Variants in ZNF608 observed in about 807,000 individuals in gnomAD.
The protein encoded by ZNF608 is zinc finger protein 608.
In ZNF608, 12 loss-of-function variants were observed where a neutral mutation model predicts 109.0. The ratio of observed to expected loss-of-function variants is 0.11; its 90% CI spans 0.07 to 0.18. ZNF608 has a LOEUF of 0.18. Ranked by LOEUF, ZNF608 falls within the 10% of genes least tolerant of loss-of-function variation. The pLI, the probability that ZNF608 is intolerant of heterozygous loss-of-function variation, is 1.00. For missense variants in ZNF608, 1,707 were observed against 1,879.3 expected (o/e 0.91, Z 1.70); for synonymous variants, 732 against 717.4 (o/e 1.02, Z -0.33).
At chr5:124,659,014 T>A (rs1751133961) in intron 3 of ZNF608, among the ~76,000 whole-genome samples, 2 of 151,908 alleles carry the variant, frequency 1.3e-5, no homozygotes, top group Admixed American at 6.6e-5. Flanking sequence ...AGGGCCAGGG[T>A]CTGTCAAAAT....
chr5:124,743,892 G>A (rs985733174), intron 2 of ZNF608, among the ~76,000 whole-genome samples, 192 bp downstream of exon 2: 1 of 152,138 alleles, frequency 6.6e-6, no homozygotes, highest in South Asian at 2.1e-4. Flanking sequence ...AAGGACAGCA[G>A]AAGCAAGAGC....
At chr5:124,654,518 G>A (rs186967195) in intron 3 of ZNF608, among the ~76,000 whole-genome samples, 4 of 152,082 alleles carry the variant, frequency 2.6e-5, no homozygotes, top group African/African-American at 9.7e-5. Flanking sequence ...CTAGACACAC[G>A]CATACCAGGC....
intron 3 of ZNF608, among the ~76,000 whole-genome samples, chr5:124,674,568 G>A (rs4836108): frequency 0.56 from 85,694 of 152,030 alleles, 25,741 homozygotes; most frequent in African/African-American, 0.78. Flanking sequence ...GACCATTAGG[G>A]CTGAGCCAAT....
intron 1 of ZNF608, 132 bp downstream of exon 1, chr5:124,746,063 A>T: frequency 7.4e-6 from 7 of 952,182 alleles, no homozygotes; most frequent in Non-Finnish European, 8.8e-6. Flanking sequence ...ATGACCGCAA[A>T]TGAGTGTGTT....
intron 3 of ZNF608, among the ~76,000 whole-genome samples, chr5:124,657,910 G>C (rs1283528101): frequency 6.6e-6 from 1 of 152,108 alleles, no homozygotes; most frequent in African/African-American, 2.4e-5. Flanking sequence ...ATTTTGATCA[G>C]TAACAAAAAT....
Position 124,647,841 on chromosome 5 carries a change from T to A in ZNF608, c.2543A>T (p.Asp848Val), listed in dbSNP as rs923433495. ...KLEDSKGASK[D>V]LPGHFLKDHL... ...ATCCTTTAAAAAATGCCCAGGTAAA[T>A]CTTTGCTGGCCCCCTTGGAGTCCTC... The change falls in exon 5 of 10, where the codon GAT (aspartate) becomes GTT (valine). Residue 848 changes from aspartate (D) to valine (V), a missense_variant. This residue lies in a region of ZNF608 where 1,073 missense variants were observed against 1,133.5 expected (regional missense o/e 0.95). Transcript: ENST00000513986. 6.2e-7 allele frequency: 1 copy of A among 1,614,228 alleles called. No individual in the cohort carries two copies. Among genetic ancestry groups the A allele is most frequent in the Non-Finnish European group, 8.5e-7 (1 of 1,180,046 alleles).
At chr5:124,713,893 AT>A (rs1417903891) in intron 2 of ZNF608, among the ~76,000 whole-genome samples, 4 of 152,244 alleles carry the variant, frequency 2.6e-5, no homozygotes, top group Non-Finnish European at 5.9e-5. Flanking sequence ...CCATCTCTGA[AT>A]GAAAAATAAT....
chr5:124,687,471 A>G (rs924518847), intron 3 of ZNF608, among the ~76,000 whole-genome samples: 1 of 152,218 alleles, frequency 6.6e-6, no homozygotes, highest in Admixed American at 6.5e-5. Flanking sequence ...AATATGAATG[A>G]ATATCTATGG....
intron 8 of ZNF608, 78 bp downstream of exon 8, chr5:124,641,174 T>C (rs536199984): frequency 2.5e-6 from 4 of 1,584,386 alleles, no homozygotes; most frequent in East Asian, 4.5e-5. Flanking sequence ...TCAATATTTT[T>C]AAGATGTGAA....
chr5:124,729,668 TAA>T (rs1204560528), intron 2 of ZNF608, among the ~76,000 whole-genome samples: 1 of 152,232 alleles, frequency 6.6e-6, no homozygotes, highest in Non-Finnish European at 1.5e-5. Flanking sequence ...TTTATAAATA[TAA>T]AATATACATA....
Position 124,644,614 on chromosome 5 carries a change from A to G in ZNF608, c.3753T>C (p.Tyr1251=). The G allele has an allele frequency of 6.2e-7, 1 of 1,609,600 alleles. No individual in the cohort carries two copies. Among genetic ancestry groups the G allele is most frequent in the Non-Finnish European group, 8.5e-7 (1 of 1,178,256 alleles). ...TWHHYVYQPK[Y]LDQQKSEELD... ...GTTCTTCTGACTTTTGCTGATCCAG[A>G]TATTTGGGCTGGTATACATAATGAT... is the stretch of plus-strand genomic sequence containing the variant. The change falls in exon 6 of 10, where the codon TAT becomes TAC. Residue 1251 remains tyrosine (Y), a synonymous_variant. Coordinates refer to ENST00000513986, the MANE Select transcript of ZNF608 (RefSeq NM_020747.3).
chr5:124,746,942 C>CG (rs1222725771), upstream of ZNF608: 2 of 23,662 alleles, frequency 8.5e-5, no homozygotes, highest in Admixed American at 1.1e-3. Context: ...TCGCTCGGGG[C>CG]GGGGGGCGGG....
chr5:124,655,958 C>T (rs1364877011), intron 3 of ZNF608, among the ~76,000 whole-genome samples: 1 of 152,168 alleles, frequency 6.6e-6, no homozygotes, highest in Admixed American at 6.5e-5. Flanking sequence ...AGGGACTTTC[C>T]CATTACCTGT....
chr5:124,728,861 C>T (rs1011734759), intron 2 of ZNF608, among the ~76,000 whole-genome samples: 14 of 152,190 alleles, frequency 9.2e-5, no homozygotes, highest in Non-Finnish European at 1.8e-4. Context: ...CATAACCTCA[C>T]CTTCTGTCCT....
chr5:124,709,949 T>C (rs779877307), intron 2 of ZNF608, among the ~76,000 whole-genome samples: 3 of 152,212 alleles, frequency 2.0e-5, no homozygotes, highest in Non-Finnish European at 2.9e-5. Flanking sequence ...TAGATCTTGT[T>C]CCCAATCCCT....
chr5:124,639,271 A>G, intron 8 of ZNF608, 57 bp from the exon 9 acceptor site: 1 of 1,525,968 alleles, frequency 6.6e-7, no homozygotes, highest in South Asian at 1.1e-5. Flanking sequence ...GAGTAGATAC[A>G]GGCCCAGTGG....
Position 124,744,180 on chromosome 5 carries a change from G to A in ZNF608, c.810C>T (p.Ala270=), listed in dbSNP as rs764628810. ...VAAAGEVSKS[A]PDSGLMGNSM... ...AGTTTCCCATGAGCCCTGAATCCGG[G>A]GCACTTTTGCTAACTTCCCCTGCAG... is the stretch of plus-strand genomic sequence containing the variant. Residue 270 remains alanine (A), a synonymous_variant, in exon 2 of 10, where the codon GCC becomes GCT. Coordinates refer to ENST00000513986, the MANE Select transcript of ZNF608 (RefSeq NM_020747.3). The surrounding 1 kb of genome is among the most constrained non-coding windows in gnomAD (Gnocchi z 4.5). 3 of 1,613,640 alleles carry A rather than the reference G, an allele frequency of 1.9e-6. No homozygotes were observed. The highest frequency in any genetic ancestry group is 1.3e-5 in the African/African-American group (1 of 75,046).
At chr5:124,681,396 T>C (rs903884576) in intron 3 of ZNF608, among the ~76,000 whole-genome samples, 6 of 151,892 alleles carry the variant, frequency 4.0e-5, no homozygotes, top group African/African-American at 1.5e-4. Flanking sequence ...GGCGAAGGTT[T>C]CAGTGAGCTG....
chr5:124,731,139 GA>G (rs1181687580), intron 2 of ZNF608, among the ~76,000 whole-genome samples: 1 of 152,166 alleles, frequency 6.6e-6, no homozygotes, highest in Non-Finnish European at 1.5e-5. Context: ...GGTAAGACAT[GA>G]TTTTTTTTTA....
Sources: gnomAD v4.1 joint callset for allele counts (sites outside exome capture counted in the v4.1 genomes callset) on GRCh38, gnomAD v4.1.1 for gene constraint, gnomAD v4.1.1 regional missense constraint, Gnocchi (gnomAD v3.1) non-coding constraint, MANE v1.5 for transcripts, NCBI Gene and HGNC (gene_info 2026-07-23, HGNC 2026-07-21) for gene names.